DOCK2: variants seen among roughly 807,000 people sequenced by gnomAD.
DOCK2 encodes dedicator of cytokinesis 2.
A neutral mutation model predicts 248.9 loss-of-function variants in DOCK2; 87 were observed. That is an observed-to-expected ratio of 0.35 (90% confidence interval 0.29 to 0.42). The LOEUF (loss-of-function observed/expected upper bound fraction) is 0.42, where lower values mean the gene tolerates loss of function less well. Ranked by LOEUF, DOCK2 falls within the 10% of genes least tolerant of loss-of-function variation. The probability of loss-of-function intolerance (pLI) is 1.00; values close to 1 mark genes in which losing one functional copy is unlikely to be tolerated. For synonymous variants in DOCK2, 805 were observed against 821.6 expected (o/e 0.98, Z 0.35); for missense variants, 1,747 against 2,300.2 (o/e 0.76, Z 4.92).
At chr5:169,814,721 A>T (rs1373022782) in intron 26 of DOCK2, among the ~76,000 whole-genome samples, 3 of 152,172 alleles carry the variant, frequency 2.0e-5, no homozygotes, top group Non-Finnish European at 4.4e-5. Context: ...GAAGTATTTA[A>T]GGGATGATTA....
chr5:169,761,385 T>C lies in DOCK2; in HGVS notation c.2448-134T>C, dbSNP rs1057420328. Reference sequence around the variant, plus strand: ...AACTTGTACATTTTTACTGAAGGCTTACCTTGCACCTCATGCTCTGCCAGG... The same window carrying C: ...AACTTGTACATTTTTACTGAAGGCTCACCTTGCACCTCATGCTCTGCCAGG... On this transcript the variant is annotated intron_variant, in intron 24 of 51. Transcript: ENST00000520908. The C allele has an allele frequency of 5.9e-6, 4 of 680,978 alleles. No individual in the cohort carries two copies. The African/African-American group carries it at 7.2e-5, about 12-fold the overall frequency. 42.2% of individuals were successfully genotyped at this position (680,978 alleles called of 1,614,324 possible).
At chr5:169,781,775 GCCCCCTCTCCCGCCC>G (rs1329688572) in intron 25 of DOCK2, among the ~76,000 whole-genome samples, 1 of 152,026 alleles carries the variant, frequency 6.6e-6, no homozygotes, top group Non-Finnish European at 1.5e-5. Flanking sequence ...CCTTCTCCAC[GCCCCCTCTCCCGCCC>G]CCACAGAGAG....
At chr5:169,956,492 G>T (rs1364361653) in intron 27 of DOCK2, among the ~76,000 whole-genome samples, 10 of 152,172 alleles carry the variant, frequency 6.6e-5, no homozygotes, top group African/African-American at 2.4e-4. Context: ...TTTAAGGAGG[G>T]ACTTCCAAAC....
intron 26 of DOCK2, among the ~76,000 whole-genome samples, chr5:169,836,388 T>C (rs1213801325): frequency 6.6e-6 from 1 of 152,186 alleles, no homozygotes; most frequent in Admixed American, 6.6e-5. Flanking sequence ...CTATGAGTTT[T>C]AACAAAGCAG....
At chr5:169,886,730 T>C (rs1772991439) in intron 27 of DOCK2, among the ~76,000 whole-genome samples, 1 of 152,228 alleles carries the variant, frequency 6.6e-6, no homozygotes, top group Non-Finnish European at 1.5e-5. Flanking sequence ...TTCATCTTTG[T>C]ACTGCAGAGC....
intron 33 of DOCK2, among the ~76,000 whole-genome samples, chr5:170,020,196 C>G (rs1755673356): frequency 6.6e-6 from 1 of 152,216 alleles, no homozygotes; most frequent in African/African-American, 2.4e-5. Flanking sequence ...CGCAGCCCAC[C>G]TGAATGGCAT....
At chr5:169,768,311 G>A (rs957820707) in intron 25 of DOCK2, among the ~76,000 whole-genome samples, 1 of 152,218 alleles carries the variant, frequency 6.6e-6, no homozygotes, top group African/African-American at 2.4e-5. Flanking sequence ...CGGCTCACAG[G>A]TAGTAAGTGC....
At chr5:169,975,825 A>G (rs562451348) in intron 27 of DOCK2, among the ~76,000 whole-genome samples, 1 of 152,336 alleles carries the variant, frequency 6.6e-6, no homozygotes, top group African/African-American at 2.4e-5. Flanking sequence ...GCTTCTTAAG[A>G]ACAAAGCCTT....
intron 13 of DOCK2, among the ~76,000 whole-genome samples, chr5:169,701,544 G>C (rs533129023): frequency 2.7e-5 from 4 of 150,466 alleles, no homozygotes; most frequent in Non-Finnish European, 5.9e-5. Context: ...GTTTAGCTCT[G>C]TTACTTAGGC....
chr5:169,801,146 GTTTTTTTT>G (rs60574755), intron 25 of DOCK2, among the ~76,000 whole-genome samples: 3 of 76,050 alleles, frequency 3.9e-5, no homozygotes, highest in Admixed American at 4.4e-4. Flanking sequence ...ATAGTTTTGG[GTTTTTTTT>G]TTTTTTTTTT....
At chr5:169,805,698 T>A (rs936333901) in intron 26 of DOCK2, among the ~76,000 whole-genome samples, 1 of 152,184 alleles carries the variant, frequency 6.6e-6, no homozygotes, top group Non-Finnish European at 1.5e-5. Flanking sequence ...CTTTTGCACA[T>A]TCCCTGACAT....
chr5:169,780,260 G>C (rs1765627026), intron 25 of DOCK2, among the ~76,000 whole-genome samples: 1 of 150,956 alleles, frequency 6.6e-6, no homozygotes, highest in African/African-American at 2.5e-5. Context: ...GCTCTGGTTA[G>C]ATTTGTAAGT....
chr5:169,812,251 G>A (rs1180865442), intron 26 of DOCK2, among the ~76,000 whole-genome samples: 3 of 152,134 alleles, frequency 2.0e-5, no homozygotes, highest in East Asian at 1.9e-4. Flanking sequence ...ATAGGAACGC[G>A]AACCCTATTG....
At chr5:169,926,806 C>G (rs1472723911) in intron 27 of DOCK2, among the ~76,000 whole-genome samples, 1 of 152,168 alleles carries the variant, frequency 6.6e-6, no homozygotes, top group Non-Finnish European at 1.5e-5. Context: ...TTTACTGCAT[C>G]TCAGGCACTG....
chr5:169,722,911 T>C (rs1762284687), intron 22 of DOCK2, among the ~76,000 whole-genome samples: 1 of 152,194 alleles, frequency 6.6e-6, no homozygotes, highest in African/African-American at 2.4e-5. Context: ...GTGTCTGTGC[T>C]TTTTGAGGAC....
At chr5:169,907,576 T>C (rs1315157981) in intron 27 of DOCK2, among the ~76,000 whole-genome samples, 1 of 152,232 alleles carries the variant, frequency 6.6e-6, no homozygotes, top group African/African-American at 2.4e-5. Flanking sequence ...CATTATCTAA[T>C]TGAATCCTCA....
intron 27 of DOCK2, among the ~76,000 whole-genome samples, chr5:169,928,860 C>A (rs1775606597): frequency 6.6e-6 from 1 of 152,178 alleles, no homozygotes; most frequent in African/African-American, 2.4e-5. Context: ...ATTAATTGTG[C>A]ACATGATGCT....
At chr5:169,880,333 C>G (rs998495406) in intron 27 of DOCK2, among the ~76,000 whole-genome samples, 1 of 152,342 alleles carries the variant, frequency 6.6e-6, no homozygotes, top group East Asian at 1.9e-4. Flanking sequence ...GGCATATGGT[C>G]TCTTACTCAT....
At chr5:169,641,034 G>T (rs1445457467) in intron 1 of DOCK2, among the ~76,000 whole-genome samples, 1 of 152,184 alleles carries the variant, frequency 6.6e-6, no homozygotes, top group Non-Finnish European at 1.5e-5. Flanking sequence ...GCAATCCTCG[G>T]CATTCCTTGG....
Sources: allele counts gnomAD v4.1 joint callset (sites outside exome capture counted in the v4.1 genomes callset), GRCh38; gene constraint gnomAD v4.1.1; transcripts MANE v1.5; gene names NCBI Gene and HGNC (gene_info 2026-07-23, HGNC 2026-07-21).